FOXP1: variants seen among roughly 807,000 people sequenced by gnomAD.
FOXP1 encodes forkhead box protein P1.
FOXP1 carries 15 observed loss-of-function variants against 98.2 expected under a neutral mutation model. That is an observed-to-expected ratio of 0.15 (90% CI 0.10 to 0.24). The LOEUF (loss-of-function observed/expected upper bound fraction) is 0.24. Among genes scored for constraint, FOXP1 ranks in the 10% least tolerant of loss-of-function variants. The probability of loss-of-function intolerance (pLI) is 1.00; values close to 1 mark genes in which losing one functional copy is unlikely to be tolerated. For missense variants in FOXP1, 633 were observed against 848.5 expected (o/e 0.75, Z 3.15); for synonymous variants, 371 against 314.5 (o/e 1.18, Z -1.90).
intron 7 of FOXP1, among the ~76,000 whole-genome samples, chr3:71,095,620 T>A (rs2056383615): frequency 6.6e-6 from 1 of 152,100 alleles, no homozygotes; most frequent in Non-Finnish European, 1.5e-5. Context: ...AGAGTCTACA[T>A]TTTAAATAAC....
intron 5 of FOXP1, among the ~76,000 whole-genome samples, chr3:71,199,135 C>G (rs1284550081): frequency 1.4e-5 from 2 of 145,294 alleles, no homozygotes; most frequent in Admixed American, 6.9e-5. Context: ...TGAGACAGAG[C>G]CTTGCTCTGT....
intron 2 of FOXP1, among the ~76,000 whole-genome samples, chr3:71,579,340 A>G (rs1578262311): frequency 2.0e-5 from 3 of 152,204 alleles, no homozygotes; most frequent in African/African-American, 4.8e-5. Context: ...TAATTTGAAT[A>G]GTTGATGTTT....
chr3:71,371,102 A>G (rs2079281186), intron 3 of FOXP1, among the ~76,000 whole-genome samples: 1 of 151,996 alleles, frequency 6.6e-6, no homozygotes, highest in African/African-American at 2.4e-5. Flanking sequence ...AGAGTTTCTG[A>G]TTCACTATGG....
chr3:71,188,574 C>T (rs150310808), intron 6 of FOXP1, among the ~76,000 whole-genome samples: 26 of 152,194 alleles, frequency 1.7e-4, no homozygotes, highest in African/African-American at 5.5e-4. Flanking sequence ...GATGCCAACA[C>T]GCCCGGCTAA....
chr3:71,551,936 A>T (rs2045811562), intron 2 of FOXP1, among the ~76,000 whole-genome samples: 1 of 152,186 alleles, frequency 6.6e-6, no homozygotes, highest in Non-Finnish European at 1.5e-5. Context: ...CCCTCCAGGA[A>T]GTGTTGAAAT....
In FOXP1 at chr3:71,283,386, A is replaced by C. The variant is rs115364761; in HGVS notation, c.-12+16434T>G. Among the ~76,000 whole-genome samples, 76 of 152,090 alleles carry C rather than the reference A, an allele frequency of 5.0e-4. 1 individual carries two copies. The highest frequency in any genetic ancestry group is 1.8e-3 in the African/African-American group (76 of 41,452). On this transcript the variant is annotated intron_variant, in intron 5 of 20. Transcript: ENST00000649528. ...GCCTGTTCCAAGGGTCTTAGAGCTT[A>C]AATGGACACTACTGCAAAGCTTCTG... is the stretch of plus-strand genomic sequence containing the variant.
At chr3:71,447,640 T>G (rs544672179) in intron 3 of FOXP1, among the ~76,000 whole-genome samples, 103 of 152,240 alleles carry the variant, frequency 6.8e-4, no homozygotes, top group African/African-American at 2.2e-3. Flanking sequence ...GCAGCATGGT[T>G]CTTTAAAGGA....
intron 17 of FOXP1, among the ~76,000 whole-genome samples, chr3:70,973,768 C>T (rs547821188): frequency 6.6e-6 from 1 of 150,826 alleles, no homozygotes. Context: ...TTGATACATA[C>T]ATCACACTGG....
At chr3:71,550,455 A>C (rs560271739) in intron 2 of FOXP1, among the ~76,000 whole-genome samples, 27 of 152,344 alleles carry the variant, frequency 1.8e-4, no homozygotes, top group Admixed American at 2.0e-4. Context: ...TACACAAACT[A>C]ATATTTATAA....
chr3:70,972,474 C>A, intron 18 of FOXP1, 81 bp downstream of exon 18: 1 of 1,582,390 alleles, frequency 6.3e-7, no homozygotes, highest in Admixed American at 1.7e-5. Flanking sequence ...GGTCTAACAC[C>A]ATCTAGCAGC....
At chr3:71,040,192 T>G (rs1244586157) in intron 11 of FOXP1, 1 of 151,992 alleles carries the variant, frequency 6.6e-6, no homozygotes, top group Non-Finnish European at 1.5e-5. Context: ...CACATCTAAT[T>G]AAACAGTAGG....
intron 6 of FOXP1, among the ~76,000 whole-genome samples, chr3:71,161,711 C>T (rs1055770725): frequency 6.6e-6 from 1 of 152,168 alleles, no homozygotes; most frequent in South Asian, 2.1e-4. Flanking sequence ...GACAATGATG[C>T]CATCAGAGTT....
chr3:71,270,430 G>A (rs2070229207), intron 5 of FOXP1, among the ~76,000 whole-genome samples: 1 of 152,194 alleles, frequency 6.6e-6, no homozygotes, highest in Non-Finnish European at 1.5e-5. Flanking sequence ...GGACCTGGCA[G>A]TTGTTAAAGA....
At chr3:70,970,582 T>G in intron 19 of FOXP1, 154 bp downstream of exon 19, 2 of 729,108 alleles carry the variant, frequency 2.7e-6, no homozygotes, top group Non-Finnish European at 5.0e-6. Flanking sequence ...GCCCGATGTG[T>G]TTGCCTCCAG....
intron 6 of FOXP1, among the ~76,000 whole-genome samples, chr3:71,138,414 A>G (rs2107978387): frequency 6.6e-6 from 1 of 152,326 alleles, no homozygotes; most frequent in South Asian, 2.1e-4. Flanking sequence ...ATATGTACGA[A>G]TACAATGATA....
In FOXP1 at chr3:71,282,536, C is replaced by A. The variant is rs570939536; in HGVS notation, c.-12+17284G>T. 3.9e-5 allele frequency among the ~76,000 whole-genome samples: 6 copies of A among 152,220 alleles called. No homozygotes were observed. In the South Asian group the frequency reaches 1.0e-3, roughly 26 times the overall value. On this transcript the variant is annotated intron_variant, in intron 5 of 20. Coordinates refer to ENST00000649528, the MANE Select transcript of FOXP1 (RefSeq NM_001349338.3). ...GCTGTGTATAAAACATTGCTCTAAGCACTTTTTACCTGAAAAGAATTTAGT... is the reference window on the plus strand; with the variant it reads ...GCTGTGTATAAAACATTGCTCTAAGAACTTTTTACCTGAAAAGAATTTAGT...
intron 2 of FOXP1, among the ~76,000 whole-genome samples, chr3:71,546,445 T>C (rs2045368055): frequency 6.6e-6 from 1 of 152,174 alleles, no homozygotes; most frequent in Non-Finnish European, 1.5e-5. Flanking sequence ...ACAAATTCCA[T>C]GTGGTTCTTC....
intron 5 of FOXP1, among the ~76,000 whole-genome samples, chr3:71,257,585 CAA>C (rs11337315): frequency 4.2e-3 from 302 of 71,678 alleles, no homozygotes; most frequent in Middle Eastern, 0.022. Flanking sequence ...AACTCCATCT[CAA>C]AAAAAAAAAA....
chr3:71,337,107 TAAC>T (rs2076731622), intron 4 of FOXP1, among the ~76,000 whole-genome samples: 1 of 152,160 alleles, frequency 6.6e-6, no homozygotes, highest in African/African-American at 2.4e-5. Context: ...ATCAAATAAT[TAAC>T]AAATGGAAAT....
Sources: gnomAD v4.1 joint callset for allele counts (sites outside exome capture counted in the v4.1 genomes callset) on GRCh38, gnomAD v4.1.1 for gene constraint, MANE v1.5 for transcripts, NCBI Gene and HGNC (gene_info 2026-07-23, HGNC 2026-07-21) for gene names.